Variants in MAD1L1 observed in about 807,000 individuals in gnomAD.
MAD1L1 encodes mitotic spindle assembly checkpoint protein MAD1.
MAD1L1 carries 95 observed loss-of-function variants against 96.9 expected under a neutral mutation model. The ratio of observed to expected loss-of-function variants is 0.98; its 90% CI spans 0.83 to 1.16. MAD1L1 has a LOEUF of 1.16. MAD1L1 is among the 50% of genes most tolerant of loss of function. The pLI, the probability that MAD1L1 is intolerant of heterozygous loss-of-function variation, is 0.00. For synonymous variants in MAD1L1, 473 were observed against 396.6 expected (o/e 1.19, Z -2.29); for missense variants, 1,007 against 954.4 (o/e 1.06, Z -0.73).
intron 12 of MAD1L1, among the ~76,000 whole-genome samples, chr7:2,067,074 C>T (rs919089085): frequency 2.0e-5 from 3 of 152,178 alleles, no homozygotes; most frequent in African/African-American, 7.2e-5. Flanking sequence ...CGGTGTGGGC[C>T]GATGTCACTC....
intron 17 of MAD1L1, among the ~76,000 whole-genome samples, chr7:1,916,686 T>G (rs182628032): frequency 5.1e-4 from 78 of 152,156 alleles, no homozygotes; most frequent in Non-Finnish European, 8.7e-4. Context: ...GGAGATGAAT[T>G]CGTGTCCATG....
intron 11 of MAD1L1, among the ~76,000 whole-genome samples, chr7:2,078,067 C>T (rs1201601457): frequency 6.6e-6 from 1 of 152,202 alleles, no homozygotes; most frequent in African/African-American, 2.4e-5. Flanking sequence ...GGGAAGGGCC[C>T]CCACTCACCA....
intron 10 of MAD1L1, among the ~76,000 whole-genome samples, chr7:2,193,992 G>A (rs1312497535): frequency 7.5e-6 from 1 of 132,706 alleles, no homozygotes; most frequent in Admixed American, 9.4e-5. Flanking sequence ...CACCTAGGCT[G>A]GAGTGCAGTG....
At chr7:2,094,531 C>T (rs574059607) in intron 11 of MAD1L1, among the ~76,000 whole-genome samples, 1 of 152,256 alleles carries the variant, frequency 6.6e-6, no homozygotes, top group African/African-American at 2.4e-5. Flanking sequence ...CACAGGTGGG[C>T]AGGGAAGGCC....
chr7:2,033,178 G>A (rs1242161960), intron 12 of MAD1L1, among the ~76,000 whole-genome samples: 1 of 152,260 alleles, frequency 6.6e-6, no homozygotes, highest in Non-Finnish European at 1.5e-5. Context: ...TGGCCAGGAG[G>A]TGGGCCCTTC....
chr7:2,038,413 T>C (rs1349144564), intron 12 of MAD1L1, among the ~76,000 whole-genome samples: 1 of 151,238 alleles, frequency 6.6e-6, no homozygotes, highest in Middle Eastern at 3.2e-3. Flanking sequence ...TCTAGGGCTT[T>C]TACAGTTACA....
At chr7:2,084,735 C>T (rs544828632) in intron 11 of MAD1L1, among the ~76,000 whole-genome samples, 5 of 152,298 alleles carry the variant, frequency 3.3e-5, no homozygotes, top group East Asian at 1.9e-4. Context: ...TCCTGATGTC[C>T]GGCCCCAGAT....
rs35707803 is a variant in MAD1L1, at chr7:2,055,669, C to CAAA, written c.1218+13522_1218+13524dup. The stretch of plus-strand genomic sequence containing the variant: ...TGGGTGACACAGAGAGACCCTGTCT[C>CAAA]AAAAAAAAAAAAAAAAAAAAAATCT... On this transcript the variant is annotated intron_variant, in intron 12 of 18. Coordinates refer to ENST00000265854, the MANE Select transcript of MAD1L1 (RefSeq NM_001013836.2). Among the ~76,000 whole-genome samples the CAAA allele has an allele frequency of 6.4e-4, 58 of 90,506 alleles. No individual in the cohort carries two copies. In the South Asian group the frequency reaches 9.4e-3, roughly 15 times the overall value. The allele number at this position is 90,506 out of a possible 152,430, so 59.4% of individuals were successfully genotyped here.
chr7:1,934,818 C>T (rs1242957463), intron 17 of MAD1L1, among the ~76,000 whole-genome samples: 1 of 149,954 alleles, frequency 6.7e-6, no homozygotes, highest in East Asian at 2.0e-4. Context: ...AACAGGGGAA[C>T]AAACAGATGG....
chr7:1,939,462 G>A (rs935309178), intron 16 of MAD1L1, among the ~76,000 whole-genome samples: 12 of 151,926 alleles, frequency 7.9e-5, no homozygotes, highest in Admixed American at 2.0e-4. Flanking sequence ...ATGGGCACCC[G>A]GTCCCTCAGG....
At chr7:1,897,132 G>A (rs1054465149) in intron 18 of MAD1L1, among the ~76,000 whole-genome samples, 4 of 117,586 alleles carry the variant, frequency 3.4e-5, no homozygotes, top group Non-Finnish European at 5.2e-5. Flanking sequence ...GAAGACGGGC[G>A]GGTTGTGCAG....
intron 18 of MAD1L1, among the ~76,000 whole-genome samples, chr7:1,842,296 G>C (rs935282202): frequency 6.6e-6 from 1 of 152,156 alleles, no homozygotes; most frequent in African/African-American, 2.4e-5. Flanking sequence ...CTGTGCTCCC[G>C]CTCCGTGTGG....
At chr7:2,143,015 A>T (rs1789119695) in intron 11 of MAD1L1, among the ~76,000 whole-genome samples, 1 of 152,136 alleles carries the variant, frequency 6.6e-6, no homozygotes, top group Non-Finnish European at 1.5e-5. Flanking sequence ...TACCCCTGCC[A>T]TGCCCTGAAG....
intron 11 of MAD1L1, chr7:2,080,094 G>A: frequency 5.0e-6 from 1 of 198,528 alleles, no homozygotes; most frequent in Non-Finnish European, 1.0e-5. Context: ...CAACAGGCAG[G>A]CAGCAGGCGG....
At chr7:2,060,540 T>A (rs1479394135) in intron 12 of MAD1L1, among the ~76,000 whole-genome samples, 1 of 151,828 alleles carries the variant, frequency 6.6e-6, no homozygotes, top group Non-Finnish European at 1.5e-5. Flanking sequence ...AATGCCAAGA[T>A]AAGCTAATGC....
intron 18 of MAD1L1, among the ~76,000 whole-genome samples, chr7:1,880,331 CATG>C (rs1785614215): frequency 6.6e-6 from 1 of 152,176 alleles, no homozygotes; most frequent in Non-Finnish European, 1.5e-5. Context: ...TGCACCAGGT[CATG>C]ATGTCTCTGC....
intron 18 of MAD1L1, among the ~76,000 whole-genome samples, chr7:1,888,220 G>A (rs1786269818): frequency 6.6e-6 from 1 of 151,270 alleles, no homozygotes; most frequent in Admixed American, 6.6e-5. Context: ...GCATGTGTGT[G>A]CATGCATGCA....
chr7:2,093,679 A>G (rs1490431300), intron 11 of MAD1L1, among the ~76,000 whole-genome samples: 1 of 152,160 alleles, frequency 6.6e-6, no homozygotes, highest in African/African-American at 2.4e-5. Context: ...AGATCCGGCG[A>G]ACCTAGAAGA....
intron 12 of MAD1L1, among the ~76,000 whole-genome samples, chr7:2,056,410 C>G (rs891758804): frequency 8.5e-5 from 13 of 152,178 alleles, no homozygotes; most frequent in African/African-American, 3.1e-4. Flanking sequence ...CTCTGCTCTG[C>G]TCTGCTCTGC....
Sources: allele counts gnomAD v4.1 joint callset (sites outside exome capture counted in the v4.1 genomes callset), GRCh38; gene constraint gnomAD v4.1.1; transcripts MANE v1.5; gene names NCBI Gene and HGNC (gene_info 2026-07-23, HGNC 2026-07-21).